Variants in MVB12A observed in about 807,000 individuals in gnomAD.
MVB12A encodes the protein multivesicular body subunit 12A.
In MVB12A, 30 loss-of-function variants were observed where a neutral mutation model predicts 34.3. The observed-to-expected ratio is 0.88, with a 90% CI of 0.65 to 1.19. The LOEUF (loss-of-function observed/expected upper bound fraction) is 1.19. Ranked by LOEUF, MVB12A falls within the 50% of genes most tolerant of loss-of-function variation. The pLI, the probability that MVB12A is intolerant of heterozygous loss-of-function variation, is 0.00. For missense variants in MVB12A, 355 were observed against 369.2 expected, an observed-to-expected ratio of 0.96 and a Z score of 0.31; for synonymous variants, 158 against 158.9, an observed-to-expected ratio of 0.99 and a Z score of 0.04.
rs761127031 is a variant in MVB12A, at chr19:17,423,516, C to T, written c.432C>T (p.Ala144=). Residue 144 remains alanine, a synonymous_variant, in exon 5 of 9, where the codon GCC becomes GCT. Transcript: ENST00000317040. ...GGTCCAGGGACATGGGCGGCTTTGC[C>T]ATCTGGTGCAAGAAGGCCAAGGCCC... ...YLRIGDMGGF[A]IWCKKAKAPR... The T allele has an allele frequency of 1.2e-6, 2 of 1,613,188 alleles. No homozygotes were observed. The highest frequency in any genetic ancestry group is 2.2e-5 in the South Asian group (2 of 91,048).
upstream of MVB12A, chr19:17,419,825 G>A (rs2074823746): frequency 4.3e-6 from 1 of 230,220 alleles, no homozygotes; most frequent in Non-Finnish European, 8.4e-6. Flanking sequence ...CAGAGAACGA[G>A]TCTCTTGGTC....
At chr19:17,420,859 G>C (rs2074834498) in intron 3 of MVB12A, 3 of 659,362 alleles carry the variant, frequency 4.5e-6, no homozygotes, top group Non-Finnish European at 5.5e-6. Flanking sequence ...CTCGAGTTAA[G>C]TGTTCAGTCC....
chr19:17,410,565 TAC>T (rs1372164849), intron 2 of MVB12A, among the ~76,000 whole-genome samples: 2 of 121,658 alleles, frequency 1.6e-5, no homozygotes, highest in African/African-American at 3.5e-5. Context: ...CACATATATA[TAC>T]ATATATATAC....
intron 3 of MVB12A, 151 bp from the exon 4 acceptor site, chr19:17,422,181 A>T: frequency 1.6e-6 from 1 of 611,306 alleles, no homozygotes; most frequent in East Asian, 2.8e-5. Context: ...TATACCATTC[A>T]TGATTTAACC....
At chr19:17,417,831 ACT>A, upstream of MVB12A, 1 of 318,096 alleles carries the variant, frequency 3.1e-6, no homozygotes, top group South Asian at 3.0e-5. Context: ...CTGTCTTCCA[ACT>A]CTCAGAATAT....
chr19:17,421,970 A>T (rs2074841211), intron 3 of MVB12A: 1 of 163,194 alleles, frequency 6.1e-6, no homozygotes. Flanking sequence ...ACAGACCTTG[A>T]GCCAGATTTG....
intron 2 of MVB12A, among the ~76,000 whole-genome samples, chr19:17,407,773 G>A (rs1438879589): frequency 6.6e-6 from 1 of 152,202 alleles, no homozygotes; most frequent in Non-Finnish European, 1.5e-5. Flanking sequence ...CTCCACAAGA[G>A]GTGGAGGAGC....
At chr19:17,415,247 C>G (rs1329654785), upstream of MVB12A, 2 of 152,204 alleles carry the variant, frequency 1.3e-5, no homozygotes, top group African/African-American at 2.4e-5. Context: ...GAAAGCCTGA[C>G]GAACGCCATC....
At chr19:17,422,236 A>T in intron 3 of MVB12A, 96 bp from the exon 4 acceptor site, 6 of 1,284,944 alleles carry the variant, frequency 4.7e-6, no homozygotes, top group Non-Finnish European at 6.5e-6. Flanking sequence ...TGGCTGCCTT[A>T]AACAGCACCC....
In MVB12A at chr19:17,408,829, C is replaced by CTTTT. The variant is rs60162893; in HGVS notation, c.-5+2548_-5+2551dup. On this transcript the variant is annotated intron_variant, in intron 2 of 6. Transcript: ENST00000528604. Reference sequence around the variant, plus strand: ...AAAGTAATTGCGGTTTCTGCCATTACTTTTTTTTTTTTTTTTTTGAGAGGG... The same window carrying CTTTT: ...AAAGTAATTGCGGTTTCTGCCATTACTTTTTTTTTTTTTTTTTTTTTTGAGAGGG... 2.5e-4 allele frequency among the ~76,000 whole-genome samples: 30 copies of CTTTT among 120,684 alleles called. 1 individual carries two copies. Among genetic ancestry groups the CTTTT allele is most frequent in the Non-Finnish European group, 3.6e-4 (22 of 61,828 alleles). 79.2% of individuals were successfully genotyped at this position (120,684 alleles called of 152,430 possible).
chr19:17,412,094 C>T (rs1231819244), intron 2 of MVB12A, among the ~76,000 whole-genome samples: 1 of 152,164 alleles, frequency 6.6e-6, no homozygotes, highest in Non-Finnish European at 1.5e-5. Flanking sequence ...GGACGGCCCC[C>T]CACAGTAAAT....
At chr19:17,412,387 C>G (rs995196839) in intron 2 of MVB12A, among the ~76,000 whole-genome samples, 1 of 152,218 alleles carries the variant, frequency 6.6e-6, no homozygotes, top group African/African-American at 2.4e-5. Flanking sequence ...CTGCCTCAGC[C>G]TCCCAAGTAG....
At chr19:17,424,128 A>T in intron 7 of MVB12A, 61 bp downstream of exon 7, 2 of 1,515,672 alleles carry the variant, frequency 1.3e-6, no homozygotes, top group South Asian at 1.1e-5. Context: ...GGGTGCCAGG[A>T]CATCCCTGTA....
exon 2 of MVB12A, chr19:17,406,265 G>C (rs1264752726): frequency 6.6e-6 from 1 of 152,142 alleles, no homozygotes; most frequent in African/African-American, 2.4e-5. Flanking sequence ...CCTACTTCCA[G>C]AAAAAGTGCT....
chr19:17,424,159 G>A, intron 7 of MVB12A, 92 bp downstream of exon 7: 1 of 1,287,062 alleles, frequency 7.8e-7, no homozygotes, highest in Non-Finnish European at 1.1e-6. Context: ...CAGCACAGAG[G>A]GCCACATCCT....
chr19:17,424,681 G>A lies in MVB12A; in HGVS notation c.759+4G>A. On this transcript the variant is annotated splice_donor_region_variant and intron_variant, in intron 8 of 8. Coordinates refer to ENST00000317040, the MANE Select transcript of MVB12A (RefSeq NM_138401.4). ...TCTGGCGGACATTGAGGAGGAGGTG[G>A]GTGCAGGGCTAGGGAGGAGGTGGGT... is the stretch of plus-strand genomic sequence containing the variant. The A allele has an allele frequency of 6.2e-7, 1 of 1,606,778 alleles. No homozygotes were observed. Among genetic ancestry groups the A allele is most frequent in the Non-Finnish European group, 8.5e-7 (1 of 1,175,388 alleles).
At chr19:17,423,643 G>A in intron 5 of MVB12A, 26 bp downstream of exon 5, 1 of 1,613,470 alleles carries the variant, frequency 6.2e-7, no homozygotes, top group Non-Finnish European at 8.5e-7. Flanking sequence ...CCGGAGTGGG[G>A]GTGGCCGTTG....
intron 2 of MVB12A, among the ~76,000 whole-genome samples, chr19:17,412,268 C>A (rs1337781341): frequency 6.6e-6 from 1 of 152,048 alleles, no homozygotes; most frequent in Non-Finnish European, 1.5e-5. Flanking sequence ...TGCTCTTTCT[C>A]TCTCTCTTTC....
At chr19:17,420,482 C>G in intron 2 of MVB12A, 56 bp from the exon 3 acceptor site, 1 of 1,587,674 alleles carries the variant, frequency 6.3e-7, no homozygotes, top group Non-Finnish European at 8.7e-7. Context: ...TGCCCTATGC[C>G]AGGTGCGCTG....
Sources: gnomAD v4.1 joint callset for allele counts (sites outside exome capture counted in the v4.1 genomes callset) on GRCh38, gnomAD v4.1.1 for gene constraint, MANE v1.5 for transcripts, NCBI Gene and HGNC (gene_info 2026-07-23, HGNC 2026-07-21) for gene names.